ADCY1: variants seen among roughly 807,000 people sequenced by gnomAD.
The protein encoded by ADCY1 is adenylate cyclase type 1.
Under a neutral mutation model 105.4 loss-of-function variants are expected in ADCY1, and 28 were observed. The observed-to-expected ratio is 0.27, with a 90% CI of 0.20 to 0.36. ADCY1 has a LOEUF of 0.36. Among genes scored for constraint, ADCY1 ranks in the 10% least tolerant of loss-of-function variants. The pLI, the probability that ADCY1 is intolerant of heterozygous loss-of-function variation, is 1.00. For missense variants in ADCY1, 977 were observed against 1,434.2 expected, an observed-to-expected ratio of 0.68 and a Z score of 5.15; for synonymous variants, 655 against 623.8, an observed-to-expected ratio of 1.05 and a Z score of -0.75.
intron 8 of ADCY1, among the ~76,000 whole-genome samples, chr7:45,670,697 CA>C (rs945419101): frequency 6.6e-6 from 1 of 151,936 alleles, no homozygotes; most frequent in Non-Finnish European, 1.5e-5. Flanking sequence ...GCCCTGACCA[CA>C]GGGAGGATCT....
Position 45,710,437 on chromosome 7 carries a change from CCAGGAG to C in ADCY1, c.2933-87_2933-82del. 6.5e-7 allele frequency: 1 copy of C among 1,536,536 alleles called. No homozygotes were observed. Among genetic ancestry groups the C allele is most frequent in the Non-Finnish European group, 8.8e-7 (1 of 1,137,610 alleles). On this transcript the variant is annotated intron_variant, in intron 18 of 19. Transcript: ENST00000297323. This position sits in a 1 kb window ranked among gnomAD's most constrained non-coding sequence, Gnocchi z 4.7. ...CCTGAAAGGAGCAGCCTTTTCTCCA[CCAGGAG>C]CAGCATCAGGTGCATTTGGTGGCCC...
intron 2 of ADCY1, among the ~76,000 whole-genome samples, chr7:45,602,517 C>A (rs1269264518): frequency 6.6e-6 from 1 of 152,178 alleles, no homozygotes; most frequent in Non-Finnish European, 1.5e-5. Flanking sequence ...AGCACACACT[C>A]AATTTGTTAC....
In ADCY1 at chr7:45,648,747, C is replaced by T. The variant is rs151091562; in HGVS notation, c.1098C>T (p.Asp366=). The change falls in exon 5 of 20, where the codon GAC becomes GAT. Residue 366 remains aspartate (D), a synonymous_variant. Transcript: ENST00000297323. ...CVSGLTQPKT[D]HAHCCVEMGL... Reference sequence around the variant, plus strand: ...CGGGCCTCACCCAGCCCAAGACTGACCATGCCCACTGCTGTGTGGAGATGG... The same window carrying T: ...CGGGCCTCACCCAGCCCAAGACTGATCATGCCCACTGCTGTGTGGAGATGG... 1.7e-5 allele frequency: 28 copies of T among 1,614,088 alleles called. No individual in the cohort carries two copies. In the Admixed American group the frequency reaches 4.7e-4, roughly 27 times the overall value.
chr7:45,684,938 G>C (rs1784636480), intron 11 of ADCY1, 41 bp from the exon 12 acceptor site: 1 of 1,560,902 alleles, frequency 6.4e-7, no homozygotes, highest in Admixed American at 1.7e-5. Flanking sequence ...AATCACCTTG[G>C]TAATCAGAGG....
At chr7:45,599,309 A>T (rs1793157783) in intron 2 of ADCY1, among the ~76,000 whole-genome samples, 1 of 151,882 alleles carries the variant, frequency 6.6e-6, no homozygotes, top group Admixed American at 6.6e-5. Context: ...GATGTCACAC[A>T]TCTGGCTCCA....
chr7:45,678,384 C>T, intron 10 of ADCY1, 121 bp downstream of exon 10: 6 of 920,638 alleles, frequency 6.5e-6, no homozygotes, highest in Non-Finnish European at 1.0e-5. Flanking sequence ...TCGTCTCCCA[C>T]AGTTATTGTC....
At chr7:45,678,687 C>T (rs2116186908) in intron 10 of ADCY1, among the ~76,000 whole-genome samples, 1 of 145,310 alleles carries the variant, frequency 6.9e-6, no homozygotes, top group African/African-American at 2.6e-5. Context: ...CAAGACCAGC[C>T]TGAGCAATAT....
intron 4 of ADCY1, among the ~76,000 whole-genome samples, chr7:45,646,051 C>T (rs1394043698): frequency 2.0e-5 from 3 of 152,028 alleles, no homozygotes; most frequent in Non-Finnish European, 4.4e-5. Context: ...GGCCGCTTCC[C>T]CTTCCTGGCA....
chr7:45,690,110 G>A (rs1784759367), intron 14 of ADCY1, among the ~76,000 whole-genome samples: 1 of 152,236 alleles, frequency 6.6e-6, no homozygotes, highest in African/African-American at 2.4e-5. Flanking sequence ...CCTGAGGAAA[G>A]CAAGTTGCAT....
At chr7:45,595,493 C>T (rs777037476) in intron 2 of ADCY1, among the ~76,000 whole-genome samples, 3 of 152,178 alleles carry the variant, frequency 2.0e-5, no homozygotes, top group Admixed American at 6.5e-5. Flanking sequence ...AGGCTGACGG[C>T]GACTCCTTCA....
chr7:45,689,211 C>T (rs544098818), intron 14 of ADCY1, among the ~76,000 whole-genome samples: 1 of 152,046 alleles, frequency 6.6e-6, no homozygotes, highest in East Asian at 1.9e-4. Context: ...TCACTGTCAG[C>T]AGGGCTGTCT....
chr7:45,697,454 G>A (rs1018899541), intron 14 of ADCY1, among the ~76,000 whole-genome samples: 3 of 142,532 alleles, frequency 2.1e-5, no homozygotes, highest in Non-Finnish European at 3.0e-5. Flanking sequence ...GCAATGGCAC[G>A]ATCTTGGCTC....
At chr7:45,642,102 G>A (rs1160894577) in intron 4 of ADCY1, among the ~76,000 whole-genome samples, 2 of 152,054 alleles carry the variant, frequency 1.3e-5, no homozygotes, top group African/African-American at 4.8e-5. Flanking sequence ...ACAGCCTGTA[G>A]ACCAGAGGGC....
At chr7:45,662,380 A>G (rs1795129103) in intron 8 of ADCY1, among the ~76,000 whole-genome samples, 166 bp downstream of exon 8, 1 of 152,228 alleles carries the variant, frequency 6.6e-6, no homozygotes, top group Non-Finnish European at 1.5e-5. Context: ...TATTTCCTGC[A>G]AAAGTCATTA....
At chr7:45,656,073 G>A (rs1794934552) in intron 5 of ADCY1, among the ~76,000 whole-genome samples, 1 of 151,824 alleles carries the variant, frequency 6.6e-6, no homozygotes, top group African/African-American at 2.4e-5. Context: ...AGATCACGAG[G>A]TCAGGAGATT....
At chr7:45,662,751 T>C (rs1208011596) in intron 8 of ADCY1, among the ~76,000 whole-genome samples, 1 of 152,006 alleles carries the variant, frequency 6.6e-6, no homozygotes, top group East Asian at 1.9e-4. Context: ...AGCAAAACAG[T>C]CTTCTCAGCA....
chr7:45,703,021 G>T lies in ADCY1; in HGVS notation c.2455-355G>T, dbSNP rs2461115. On this transcript the variant is annotated intron_variant, in intron 14 of 19. Coordinates refer to ENST00000297323, the MANE Select transcript of ADCY1 (RefSeq NM_021116.4). The surrounding 1 kb of genome is among the most constrained non-coding windows in gnomAD (Gnocchi z 5.9). ...TGCCCTGCGGGGCACATCAGGAGCT[G>T]CCTGGGGGCTGGTGGAGCCTGTGGA... 0.36 allele frequency among the ~76,000 whole-genome samples: 55,179 copies of T among 152,198 alleles called. 11,699 individuals carry two copies. The highest frequency in any genetic ancestry group is 0.63 in the South Asian group (3,055 of 4,828).
chr7:45,706,864 GAAA>G (rs200621056), intron 17 of ADCY1, among the ~76,000 whole-genome samples: 2 of 151,072 alleles, frequency 1.3e-5, no homozygotes, highest in East Asian at 3.9e-4. Context: ...CAACAAGGGA[GAAA>G]AAAAAACCCC....
Position 45,592,770 on chromosome 7 carries a change from T to C in ADCY1, c.651T>C (p.Asn217=). 1 of 1,614,194 alleles carries C rather than the reference T, an allele frequency of 6.2e-7. No individual in the cohort carries two copies. Among genetic ancestry groups the C allele is most frequent in the Non-Finnish European group, 8.5e-7 (1 of 1,180,024 alleles). The part of the protein sequence containing the change: ...RPRLWRTLGA[N]ALLFVGVNMY... ...TTCTCTCCCTGCAGCTCGGTGCCAATGCCTTGCTCTTCGTCGGTGTGAACA... is the reference window on the plus strand; with the variant it reads ...TTCTCTCCCTGCAGCTCGGTGCCAACGCCTTGCTCTTCGTCGGTGTGAACA... The change falls in exon 2 of 20, where the codon AAT becomes AAC. Residue 217 remains asparagine, a synonymous_variant. Coordinates refer to ENST00000297323, the MANE Select transcript of ADCY1 (RefSeq NM_021116.4).
Sources: allele counts gnomAD v4.1 joint callset (sites outside exome capture counted in the v4.1 genomes callset), GRCh38; gene constraint gnomAD v4.1.1; non-coding constraint Gnocchi (gnomAD v3.1); transcripts MANE v1.5; gene names NCBI Gene and HGNC (gene_info 2026-07-23, HGNC 2026-07-21).